The following MESD variants were observed in gnomAD, a reference collection of about 807,000 sequenced individuals.
The protein encoded by MESD is mesoderm development LRP chaperone, also known as LRP chaperone MESD.
MESD carries 7 observed loss-of-function variants against 12.9 expected under a neutral mutation model. The observed-to-expected ratio is 0.54, with a 90% CI of 0.31 to 1.02. The LOEUF (loss-of-function observed/expected upper bound fraction) is 1.02. MESD is among the 50% of genes least tolerant of loss of function. The probability of loss-of-function intolerance (pLI) is 0.05; values close to 1 mark genes in which losing one functional copy is unlikely to be tolerated. For synonymous variants in MESD, 126 were observed against 115.6 expected, an observed-to-expected ratio of 1.09 and a Z score of -0.58; for missense variants, 342 against 296.7, an observed-to-expected ratio of 1.15 and a Z score of -1.12.
rs761401122 is a variant in MESD at position 80,975,892 on chromosome 15, C to T, written c.*3327G>A. 3 of 152,120 alleles carry T rather than the reference C, an allele frequency of 2.0e-5. No homozygotes were observed. The highest frequency in any genetic ancestry group is 4.4e-5 in the Non-Finnish European group (3 of 68,018). The allele number at this position is 152,120 out of a possible 1,614,324, so 9.4% of individuals were successfully genotyped here. On this transcript the variant is annotated 3_prime_UTR_variant, in exon 3 of 3. Coordinates refer to ENST00000261758, the MANE Select transcript of MESD (RefSeq NM_015154.3). ...GCTGTGGTGGGAAGATCAATTGAGCCGGTAGGTAGAGACTTCAGTGAGCCG... is the reference window on the plus strand; with the variant it reads ...GCTGTGGTGGGAAGATCAATTGAGCTGGTAGGTAGAGACTTCAGTGAGCCG...
At chr15:80,969,726 G>C (rs1057353377) in intron 3 of MESD, among the ~76,000 whole-genome samples, 1 of 152,254 alleles carries the variant, frequency 6.6e-6, no homozygotes, top group Middle Eastern at 3.4e-3. Flanking sequence ...GTGGTGGCGG[G>C]TGCCTGTAAT....
chr15:80,980,118 C>T (rs1902535241), intron 2 of MESD, among the ~76,000 whole-genome samples: 1 of 152,224 alleles, frequency 6.6e-6, no homozygotes, highest in African/African-American at 2.4e-5. Context: ...GGGACTACAC[C>T]ACGCGTTCCC....
chr15:80,962,183 T>C (rs113202794), intron 3 of MESD, among the ~76,000 whole-genome samples: 3,868 of 151,922 alleles, frequency 0.025, 158 homozygotes, highest in African/African-American at 0.087. Flanking sequence ...ACAGCAGGGG[T>C]TGCAAACCTG....
At chr15:80,963,660 C>T (rs768494186) in intron 3 of MESD, among the ~76,000 whole-genome samples, 2 of 152,154 alleles carry the variant, frequency 1.3e-5, no homozygotes, top group African/African-American at 4.8e-5. Context: ...CCCTGGGATG[C>T]GAGGCTGGTT....
rs1182509710 is a variant in MESD, at chr15:80,978,539, C to T, written c.*680G>A. The T allele has an allele frequency of 6.6e-6, 1 of 152,200 alleles. No individual in the cohort carries two copies. Among genetic ancestry groups the T allele is most frequent in the Non-Finnish European group, 1.5e-5 (1 of 68,072 alleles). The allele number at this position is 152,200 out of a possible 1,614,324, so 9.4% of individuals were successfully genotyped here. The stretch of plus-strand genomic sequence containing the variant: ...CCCCTCGACACCAGCAGTACTCTTT[C>T]CTAAATAAGGAAACAAAACAGAACC... On this transcript the variant is annotated 3_prime_UTR_variant, in exon 3 of 3. Transcript: ENST00000261758.
At chr15:80,971,689 C>G (rs1303380465), downstream of MESD, among the ~76,000 whole-genome samples, 1 of 152,080 alleles carries the variant, frequency 6.6e-6, no homozygotes, top group East Asian at 1.9e-4. Context: ...TACAGTGACA[C>G]AATCACAGCT....
chr15:80,958,827 G>C (rs554056899), intron 3 of MESD, among the ~76,000 whole-genome samples: 27 of 152,152 alleles, frequency 1.8e-4, no homozygotes, highest in Non-Finnish European at 3.7e-4. Flanking sequence ...TTATGGAATG[G>C]CAATTGTTGA....
intron 1 of MESD, among the ~76,000 whole-genome samples, chr15:80,989,214 G>T (rs1368829575): frequency 6.6e-6 from 1 of 152,186 alleles, no homozygotes; most frequent in African/African-American, 2.4e-5. Flanking sequence ...ATTGGGAAAG[G>T]TCACTCTCCC....
chr15:80,952,759 G>A (rs1448559122), intron 3 of MESD, among the ~76,000 whole-genome samples: 2 of 152,144 alleles, frequency 1.3e-5, no homozygotes, highest in South Asian at 2.1e-4. Flanking sequence ...GACTAGCTTT[G>A]GGCATAAAGT....
In MESD at chr15:80,979,249, A is replaced by C; in HGVS notation, c.675T>G (p.Asn225Lys). Residue 225 changes from asparagine to lysine, a missense_variant, in exon 3 of 3, where the codon AAT becomes AAG. Asn to Lys is a moderately conservative substitution (Grantham distance 94). Transcript: ENST00000261758. ...GGTCTTCTCTTTTATTCCCAGCTCG[A>C]TTTTCTTCCTTGGAAGACCGAGATT... ...DLKSRSSKEENRAGNKREDL is the reference protein window; with the variant it reads ...DLKSRSSKEEKRAGNKREDL The C allele has an allele frequency of 6.2e-7, 1 of 1,613,552 alleles. No homozygotes were observed. Among genetic ancestry groups the C allele is most frequent in the African/African-American group, 1.3e-5 (1 of 74,862 alleles).
intron 3 of MESD, among the ~76,000 whole-genome samples, chr15:80,955,005 C>G (rs952358115): frequency 1.3e-5 from 2 of 152,074 alleles, no homozygotes; most frequent in African/African-American, 4.8e-5. Flanking sequence ...GCATCAGCAT[C>G]ATCAGCATCA....
intron 3 of MESD, chr15:80,952,834 C>G (rs987360485): frequency 2.6e-6 from 1 of 387,052 alleles, no homozygotes; most frequent in Non-Finnish European, 5.2e-6. Flanking sequence ...AAAGAGATCA[C>G]ACTTGCACAC....
chr15:80,955,616 CGTGTGTGTGT>C (rs536028552), intron 3 of MESD, among the ~76,000 whole-genome samples: 3 of 144,898 alleles, frequency 2.1e-5, no homozygotes, highest in Non-Finnish European at 4.5e-5. Context: ...TGTGTTTGTG[CGTGTGTGTGT>C]GTGTGTGTGT....
At chr15:80,981,305 CAG>C (rs1433492312) in intron 2 of MESD, among the ~76,000 whole-genome samples, 26 of 151,710 alleles carry the variant, frequency 1.7e-4, no homozygotes, top group African/African-American at 6.3e-4. Context: ...GGCGTGGTGG[CAG>C]GTGCCTGTAG....
chr15:80,983,580 A>C (rs1902644023), intron 1 of MESD, among the ~76,000 whole-genome samples: 1 of 152,216 alleles, frequency 6.6e-6, no homozygotes, highest in Non-Finnish European at 1.5e-5. Context: ...TTCATAGATT[A>C]ACAGATGAGT....
chr15:80,962,819 A>C (rs1339552531), intron 3 of MESD, among the ~76,000 whole-genome samples: 1 of 152,180 alleles, frequency 6.6e-6, no homozygotes, highest in Non-Finnish European at 1.5e-5. Flanking sequence ...CCAGAATCTG[A>C]GGGACACATT....
chr15:80,946,947 T>G (rs1567114491), downstream of MESD: 1 of 1,565,960 alleles, frequency 6.4e-7, no homozygotes, highest in African/African-American at 1.4e-5. Flanking sequence ...CTGGTCTAAT[T>G]GGTTTCTTCT....
intron 2 of MESD, 130 bp from the exon 3 acceptor site, chr15:80,979,607 C>T: frequency 9.5e-7 from 1 of 1,053,338 alleles, no homozygotes; most frequent in South Asian, 1.7e-5. Flanking sequence ...TTGGATTTTC[C>T]AAAGCCTAGC....
chr15:80,985,888 C>T lies in MESD; in HGVS notation c.213+3691G>A, dbSNP rs537951012. On this transcript the variant is annotated intron_variant, in intron 1 of 2. Transcript: ENST00000261758. The stretch of plus-strand genomic sequence containing the variant: ...CAGGCTGGTCTCGAACTCCTGAGCT[C>T]GAAGGATTCACCCGCCTCAGTCTTC... Among the ~76,000 whole-genome samples the T allele has an allele frequency of 7.9e-5, 12 of 152,002 alleles. No homozygotes were observed. The South Asian group carries it at 1.7e-3, about 21-fold the overall frequency.
Sources: allele counts gnomAD v4.1 joint callset (sites outside exome capture counted in the v4.1 genomes callset), GRCh38; gene constraint gnomAD v4.1.1; transcripts MANE v1.5; gene names NCBI Gene and HGNC (gene_info 2026-07-23, HGNC 2026-07-21).